Variants in USH2A observed in about 807,000 individuals in gnomAD.
USH2A encodes the protein usherin.
In USH2A, 443 loss-of-function variants were observed where a neutral mutation model predicts 538.9. The observed-to-expected ratio is 0.82, with a 90% CI of 0.76 to 0.89. The LOEUF is 0.89. Ranked by LOEUF, USH2A falls within the 40% of genes least tolerant of loss-of-function variation. The pLI is 0.00. For synonymous variants in USH2A, 2,413 were observed against 2,273.5 expected (o/e 1.06, Z -1.75); for missense variants, 6,633 against 6,324.8 (o/e 1.05, Z -1.65).
chr1:216,133,895 C>A (rs1332242649), intron 21 of USH2A, among the ~76,000 whole-genome samples: 1 of 151,956 alleles, frequency 6.6e-6, no homozygotes. Flanking sequence ...AGCTTAATTT[C>A]TTTTTTCTTA....
At chr1:216,000,619 T>C in intron 32 of USH2A, 57 bp from the exon 33 acceptor site, 1 of 1,581,644 alleles carries the variant, frequency 6.3e-7, no homozygotes, top group African/African-American at 1.3e-5. Context: ...ATTGAGGAGA[T>C]TTCACTCCTC....
intron 11 of USH2A, among the ~76,000 whole-genome samples, chr1:216,277,931 G>A (rs2036701940): frequency 6.6e-6 from 1 of 152,078 alleles, no homozygotes; most frequent in African/African-American, 2.4e-5. Flanking sequence ...AGCTGTCTTG[G>A]AGAGGTTATA....
intron 61 of USH2A, among the ~76,000 whole-genome samples, chr1:215,696,286 A>G (rs1440995361): frequency 6.6e-6 from 1 of 152,178 alleles, no homozygotes; most frequent in African/African-American, 2.4e-5. Context: ...AAGGAGGAGA[A>G]GGAAGAGGAG....
At chr1:216,096,665 G>T (rs757654933) in intron 22 of USH2A, among the ~76,000 whole-genome samples, 3 of 152,048 alleles carry the variant, frequency 2.0e-5, no homozygotes, top group African/African-American at 7.2e-5. Flanking sequence ...AGTCTGCAAC[G>T]CCCAGTACCA....
rs1190964302 is a variant in USH2A, at chr1:216,198,703, A to C, written c.3812-119T>G. On this transcript the variant is annotated intron_variant, in intron 17 of 71. Transcript: ENST00000307340. The stretch of plus-strand genomic sequence containing the variant: ...TATTCATTGTCTTTCTAATTAGATT[A>C]CTGTCAATTTCTTTAGCATTCAAAA... 4 of 930,586 alleles carry C rather than the reference A, an allele frequency of 4.3e-6. No individual in the cohort carries two copies. In the African/African-American group the frequency reaches 5.0e-5, roughly 12 times the overall value. 57.6% of individuals were successfully genotyped at this position (930,586 alleles called of 1,614,324 possible).
At chr1:216,054,581 C>A (rs929814112) in intron 30 of USH2A, among the ~76,000 whole-genome samples, 1 of 152,122 alleles carries the variant, frequency 6.6e-6, no homozygotes, top group Non-Finnish European at 1.5e-5. Context: ...CAAAATGGAT[C>A]CTTTTTAAAG....
intron 9 of USH2A, among the ~76,000 whole-genome samples, chr1:216,306,322 T>A (rs1328965120): frequency 6.6e-6 from 1 of 152,194 alleles, no homozygotes; most frequent in Non-Finnish European, 1.5e-5. Context: ...CCAGTGTATT[T>A]TGCATTTTTC....
At chr1:216,136,230 C>A (rs996913748) in intron 21 of USH2A, among the ~76,000 whole-genome samples, 2 of 152,044 alleles carry the variant, frequency 1.3e-5, no homozygotes, top group Admixed American at 6.6e-5. Flanking sequence ...AATTTGAAAA[C>A]AAGATTGCTA....
chr1:215,642,389 A>G (rs1381087389), intron 67 of USH2A, among the ~76,000 whole-genome samples: 1 of 152,180 alleles, frequency 6.6e-6, no homozygotes, highest in Admixed American at 6.5e-5. Context: ...TGCTTAAATA[A>G]GGCCCATGCT....
intron 56 of USH2A, among the ~76,000 whole-genome samples, chr1:215,763,896 T>C (rs765666870): frequency 1.3e-5 from 2 of 151,994 alleles, no homozygotes; most frequent in African/African-American, 2.4e-5. Flanking sequence ...TAAAACTAAT[T>C]AGATTTTATA....
chr1:216,042,211 A>G (rs2030307398), intron 32 of USH2A, among the ~76,000 whole-genome samples: 1 of 152,066 alleles, frequency 6.6e-6, no homozygotes, highest in Non-Finnish European at 1.5e-5. Context: ...TATCATACAT[A>G]GGTTATAGCT....
At chr1:216,285,502 T>G (rs546438888) in intron 11 of USH2A, among the ~76,000 whole-genome samples, 1 of 152,146 alleles carries the variant, frequency 6.6e-6, no homozygotes. Context: ...CCCTAATGAA[T>G]GAAGTACCTC....
rs766515318 is a variant in USH2A at position 215,674,098 on chromosome 1, A to G, written c.13811+2T>C. On this transcript the variant is annotated splice_donor_variant, in intron 63 of 71. Transcript: ENST00000307340. LOFTEE classifies it high-confidence loss of function. Reference sequence around the variant, plus strand: ...TCAGAAAACCGAGACATGGCTACCTACCTGTGAAATGGCTTCAGCTGGTTT... The same window carrying G: ...TCAGAAAACCGAGACATGGCTACCTGCCTGTGAAATGGCTTCAGCTGGTTT... 1.2e-6 allele frequency: 2 copies of G among 1,614,074 alleles called. No homozygotes were observed. The highest frequency in any genetic ancestry group is 2.2e-5 in the South Asian group (2 of 91,026).
intron 47 of USH2A, among the ~76,000 whole-genome samples, chr1:215,825,911 A>G (rs897864137): frequency 6.6e-6 from 1 of 152,226 alleles, no homozygotes; most frequent in African/African-American, 2.4e-5. Context: ...AATAAAAAGG[A>G]ACACACATTT....
chr1:216,224,164 A>G (rs2035516696), intron 14 of USH2A, among the ~76,000 whole-genome samples: 1 of 152,098 alleles, frequency 6.6e-6, no homozygotes, highest in Admixed American at 6.5e-5. Flanking sequence ...GGGGGTTGTG[A>G]TGTGTGGTTG....
At chr1:215,797,359 T>G (rs4559473) in intron 50 of USH2A, among the ~76,000 whole-genome samples, 10,146 of 152,264 alleles carry the variant, frequency 0.067, 382 homozygotes, top group East Asian at 0.15. Flanking sequence ...AGATCACTGA[T>G]GAAGGTGGCT....
In USH2A at chr1:215,993,110, C is replaced by G. The variant is rs749853149; in HGVS notation, c.6715G>C (p.Asp2239His). 1.9e-6 allele frequency: 3 copies of G among 1,614,008 alleles called. No individual in the cohort carries two copies. The highest frequency in any genetic ancestry group is 2.5e-6 in the Non-Finnish European group (3 of 1,179,960). The change falls in exon 35 of 72, where the codon GAC (aspartate) becomes CAC (histidine). Residue 2239 changes from aspartate to histidine, a missense_variant. By Grantham distance (81) the Asp-to-His change is moderately conservative. Coordinates refer to ENST00000307340, the MANE Select transcript of USH2A (RefSeq NM_206933.4). Reference sequence around the variant, plus strand: ...GGGGCTGGCACGCCTTCGGGTATGTCCTCGTCAGTTAGGGCCTCACTGGCC... The same window carrying G: ...GGGGCTGGCACGCCTTCGGGTATGTGCTCGTCAGTTAGGGCCTCACTGGCC... ...SEASEALTDE[D>H]IPEGVPAPKA...
At position 215,982,735 on chromosome 1, in the gene USH2A, G is replaced by T. The variant is rs375615204; in HGVS notation, c.6805+10285C>A. 9.9e-5 allele frequency among the ~76,000 whole-genome samples: 15 copies of T among 152,282 alleles called. No homozygotes were observed. In the East Asian group the frequency reaches 2.3e-3, roughly 24 times the overall value. On this transcript the variant is annotated intron_variant, in intron 35 of 71. Transcript: ENST00000307340. ...GTTGCATGCTGGTAATACAGAAGTTGTCAGAACAGTCATGGTTACTTCCTT... is the reference window on the plus strand; with the variant it reads ...GTTGCATGCTGGTAATACAGAAGTTTTCAGAACAGTCATGGTTACTTCCTT...
intron 18 of USH2A, among the ~76,000 whole-genome samples, chr1:216,197,103 G>T (rs1403434099): frequency 6.6e-6 from 1 of 152,092 alleles, no homozygotes; most frequent in Non-Finnish European, 1.5e-5. Flanking sequence ...TGATGTACTG[G>T]ATTTCCCATG....
Sources: allele counts gnomAD v4.1 joint callset (sites outside exome capture counted in the v4.1 genomes callset), GRCh38; gene constraint gnomAD v4.1.1; transcripts MANE v1.5; gene names NCBI Gene and HGNC (gene_info 2026-07-23, HGNC 2026-07-21).